Variants in STARD13 observed in about 807,000 individuals in gnomAD.
STARD13 encodes StAR related lipid transfer domain containing 13, also known as stAR-related lipid transfer protein 13.
In STARD13, 62 loss-of-function variants were observed where a neutral mutation model predicts 106.4. The ratio of observed to expected loss-of-function variants is 0.58; its 90% CI spans 0.48 to 0.72. The LOEUF is 0.72. Ranked by LOEUF, STARD13 falls within the 30% of genes least tolerant of loss-of-function variation. The probability of loss-of-function intolerance (pLI) is 0.00; values close to 1 mark genes in which losing one functional copy is unlikely to be tolerated. For synonymous variants in STARD13, 565 were observed against 553.0 expected (o/e 1.02, Z -0.31); for missense variants, 1,387 against 1,424.0 (o/e 0.97, Z 0.42).
chr13:33,576,228 G>T, the STARD13 span, among the ~76,000 whole-genome samples: 1 of 151,940 alleles, frequency 6.6e-6, no homozygotes, highest in African/African-American at 2.4e-5. Flanking sequence ...TGTTGGTTCT[G>T]CTCTTTTTTT....
At chr13:33,434,365 A>AAAAAT in the STARD13 span, among the ~76,000 whole-genome samples, 90 of 151,378 alleles carry the variant, frequency 5.9e-4, no homozygotes, top group African/African-American at 2.2e-3. Context: ...AAAAAAAAAA[A>AAAAAT]AAAAAAAAGA....
Position 33,111,054 on chromosome 13 carries a change from C to G in STARD13, c.2608-147G>C. ...AGAGATGTTTTTCTAAGATCATTGC[C>G]AAGGCCGGGAGGGGCCTTCCTAAAG... On this transcript the variant is annotated intron_variant, in intron 10 of 13. Transcript: ENST00000336934. 4.5e-6 allele frequency: 3 copies of G among 663,014 alleles called. No homozygotes were observed. The South Asian group carries it at 5.7e-5, about 13-fold the overall frequency. 41.1% of individuals were successfully genotyped at this position (663,014 alleles called of 1,614,324 possible). A position where few individuals can be genotyped will look rare whatever the true frequency, so the allele number is the denominator to read the frequency against.
At chr13:33,143,543 G>A (rs994532025) in intron 3 of STARD13, among the ~76,000 whole-genome samples, 8 of 152,080 alleles carry the variant, frequency 5.3e-5, no homozygotes, top group East Asian at 3.9e-4. Context: ...GTTTCCAGTC[G>A]TTTCTTTTGT....
At chr13:33,622,614 C>CAAAAAAAAA in the STARD13 span, among the ~76,000 whole-genome samples, 13 of 28,184 alleles carry the variant, frequency 4.6e-4, 1 homozygote, top group Non-Finnish European at 5.7e-4. Context: ...GACTCCGTCT[C>CAAAAAAAAA]AAAAAAAAAA....
At chr13:33,610,613 C>T in the STARD13 span, among the ~76,000 whole-genome samples, 2 of 152,242 alleles carry the variant, frequency 1.3e-5, no homozygotes, top group East Asian at 1.9e-4. Flanking sequence ...CAACTCCCAA[C>T]AGTAACCTTG....
the STARD13 span, among the ~76,000 whole-genome samples, chr13:33,528,245 T>A: frequency 8.1e-6 from 1 of 124,174 alleles, no homozygotes; most frequent in South Asian, 2.4e-4. Context: ...TATATATACA[T>A]ATATATATAT....
intron 1 of STARD13, among the ~76,000 whole-genome samples, chr13:33,175,620 C>T (rs1884436173): frequency 6.6e-6 from 1 of 152,096 alleles, no homozygotes; most frequent in Non-Finnish European, 1.5e-5. Context: ...CAAAATTGGC[C>T]AAATGACCAG....
chr13:33,558,862 A>G, the STARD13 span, among the ~76,000 whole-genome samples: 1 of 151,540 alleles, frequency 6.6e-6, no homozygotes, highest in Admixed American at 6.6e-5. Flanking sequence ...TTCTCCCAAT[A>G]TTAGAGTTTT....
chr13:33,177,780 G>GAAGGAAGGAAGGAAGGA (rs1884699086), intron 1 of STARD13, among the ~76,000 whole-genome samples: 1 of 44,852 alleles, frequency 2.2e-5, no homozygotes, highest in East Asian at 7.8e-4. Context: ...AGGAAGGAAG[G>GAAGGAAGGAAGGAAGGA]AAGGAAGGAA....
the STARD13 span, among the ~76,000 whole-genome samples, chr13:33,566,069 G>A: frequency 3.4e-5 from 5 of 148,332 alleles, 1 homozygote; most frequent in African/African-American, 1.2e-4. Context: ...TAAGTGTTAA[G>A]TGCTATCTTA....
chr13:33,192,198 T>G (rs1367369635), intron 1 of STARD13, among the ~76,000 whole-genome samples: 1 of 152,260 alleles, frequency 6.6e-6, no homozygotes, highest in Non-Finnish European at 1.5e-5. Context: ...TTTTGTAGTT[T>G]GGAGATAAAC....
chr13:33,109,298 CAG>C (rs1254193783), intron 12 of STARD13, among the ~76,000 whole-genome samples: 4 of 152,174 alleles, frequency 2.6e-5, no homozygotes, highest in African/African-American at 9.7e-5. Context: ...ACCCCAAGAA[CAG>C]GGGTCTGGAA....
At chr13:33,299,132 C>T (rs867586878) in intron 1 of STARD13, among the ~76,000 whole-genome samples, 4 of 152,294 alleles carry the variant, frequency 2.6e-5, no homozygotes, top group South Asian at 2.1e-4. Context: ...ACATGCTGTG[C>T]AGGTTTGTAG....
chr13:33,221,813 A>T (rs1888372130), intron 1 of STARD13, among the ~76,000 whole-genome samples: 1 of 152,218 alleles, frequency 6.6e-6, no homozygotes, highest in Non-Finnish European at 1.5e-5. Flanking sequence ...TGGATAAAAA[A>T]ATGTGGTATA....
chr13:33,669,143 C>T, the STARD13 span, among the ~76,000 whole-genome samples: 1 of 152,202 alleles, frequency 6.6e-6, no homozygotes, highest in Non-Finnish European at 1.5e-5. Context: ...ATGGAAAGCA[C>T]ATCCTACTGA....
intron 12 of STARD13, among the ~76,000 whole-genome samples, chr13:33,108,832 A>G (rs994801451): frequency 6.6e-6 from 1 of 152,226 alleles, no homozygotes; most frequent in African/African-American, 2.4e-5. Context: ...TGTGGAGTGA[A>G]AGCATGAAGT....
the STARD13 span, among the ~76,000 whole-genome samples, chr13:33,646,154 C>T: frequency 6.6e-6 from 1 of 152,166 alleles, no homozygotes; most frequent in Non-Finnish European, 1.5e-5. Context: ...GTCCCAGGTG[C>T]ATGCTTTTGA....
intron 1 of STARD13, among the ~76,000 whole-genome samples, chr13:33,270,959 C>G (rs748809299): frequency 1.3e-5 from 2 of 152,186 alleles, no homozygotes; most frequent in Admixed American, 6.5e-5. Flanking sequence ...CCTGCACACT[C>G]CCACAAGCAG....
chr13:33,146,721 T>C lies in STARD13; in HGVS notation c.324-4348A>G, dbSNP rs941076604. Among the ~76,000 whole-genome samples, 18 of 152,354 alleles carry C rather than the reference T, an allele frequency of 1.2e-4. No individual in the cohort carries two copies. The East Asian group carries it at 1.3e-3, about 11-fold the overall frequency. ...ACTGGCAGATATTGTCAAAATCAAC[T>C]TTTTAAGAAAGCTGTAAATTGATAT... is the stretch of plus-strand genomic sequence containing the variant. On this transcript the variant is annotated intron_variant, in intron 3 of 13. Coordinates refer to ENST00000336934, the MANE Select transcript of STARD13 (RefSeq NM_178006.4).
Sources: gnomAD v4.1 joint callset for allele counts (sites outside exome capture counted in the v4.1 genomes callset) on GRCh38, gnomAD v4.1.1 for gene constraint, MANE v1.5 for transcripts, NCBI Gene and HGNC (gene_info 2026-07-23, HGNC 2026-07-21) for gene names.